The following ETNK1 variants were observed in gnomAD, a reference collection of about 807,000 sequenced individuals.
The protein encoded by ETNK1 is putative protein product of Nbla10396.
A neutral mutation model predicts 45.1 loss-of-function variants in ETNK1; 8 were observed. The ratio of observed to expected loss-of-function variants is 0.18; its 90% CI spans 0.10 to 0.32. ETNK1 has a LOEUF of 0.32. Ranked by LOEUF, ETNK1 falls within the 10% of genes least tolerant of loss-of-function variation. The pLI is 1.00. For missense variants in ETNK1, 302 were observed against 430.6 expected, an observed-to-expected ratio of 0.70 and a Z score of 2.64; for synonymous variants, 152 against 151.9, an observed-to-expected ratio of 1.00 and a Z score of -0.01.
At chr12:22,659,359 TA>T (rs1410334959) in intron 3 of ETNK1, among the ~76,000 whole-genome samples, 1 of 152,018 alleles carries the variant, frequency 6.6e-6, no homozygotes, top group Non-Finnish European at 1.5e-5. Flanking sequence ...TCCCAAAAAA[TA>T]TGCCCTACAA....
intron 1 of ETNK1, among the ~76,000 whole-genome samples, chr12:22,640,871 C>T (rs1307813123): frequency 1.3e-5 from 2 of 152,104 alleles, no homozygotes; most frequent in Non-Finnish European, 2.9e-5. Flanking sequence ...GGATAAACCC[C>T]ATTAAAAGGA....
rs905501306 is a variant in ETNK1, at chr12:22,687,252, G to C, written c.*2298G>C. On this transcript the variant is annotated 3_prime_UTR_variant, in exon 8 of 8. Coordinates refer to ENST00000266517, the MANE Select transcript of ETNK1 (RefSeq NM_018638.5). ...TGGTGCAGGCTAGTAATAGGATTCA[G>C]AATTGCTTCCCTTTTATATCGACCA... 3 of 152,204 alleles carry C rather than the reference G, an allele frequency of 2.0e-5. No individual in the cohort carries two copies. The highest frequency in any genetic ancestry group is 7.3e-5 in the African/African-American group (3 of 41,378). The allele number at this position is 152,204 out of a possible 1,614,324, so 9.4% of individuals were successfully genotyped here. A position where few individuals can be genotyped will look rare whatever the true frequency, so the allele number is the denominator to read the frequency against.
At chr12:22,631,471 G>A (rs1346732914) in intron 1 of ETNK1, among the ~76,000 whole-genome samples, 2 of 152,092 alleles carry the variant, frequency 1.3e-5, no homozygotes, top group South Asian at 2.1e-4. Context: ...CACTGCGCCC[G>A]GTGGTAAGTA....
chr12:22,660,257 A>G (rs1953985920), intron 3 of ETNK1, among the ~76,000 whole-genome samples: 1 of 152,168 alleles, frequency 6.6e-6, no homozygotes, highest in Non-Finnish European at 1.5e-5. Flanking sequence ...TTGGAGAAAG[A>G]ATCAAGAGGT....
At chr12:22,672,940 G>T (rs1448356097) in intron 5 of ETNK1, among the ~76,000 whole-genome samples, 1 of 152,140 alleles carries the variant, frequency 6.6e-6, no homozygotes, top group Non-Finnish European at 1.5e-5. Flanking sequence ...CAAAATCTCA[G>T]AGTTGGAAAA....
chr12:22,671,169 A>G, intron 4 of ETNK1, 103 bp from the exon 5 acceptor site: 1 of 845,740 alleles, frequency 1.2e-6, no homozygotes, highest in Non-Finnish European at 2.0e-6. Flanking sequence ...TCAAGCACGT[A>G]CAATGAGACA....
At chr12:22,680,800 T>C (rs1363699148) in intron 6 of ETNK1, among the ~76,000 whole-genome samples, 1 of 151,994 alleles carries the variant, frequency 6.6e-6, no homozygotes, top group Admixed American at 6.6e-5. Flanking sequence ...TGTCATTGAT[T>C]GTTTAATGTT....
chr12:22,679,990 C>A lies in ETNK1; in HGVS notation c.946-4493C>A, dbSNP rs1336675419. Among the ~76,000 whole-genome samples, 5 of 149,720 alleles carry A rather than the reference C, an allele frequency of 3.3e-5. No individual in the cohort carries two copies. The East Asian group carries it at 9.7e-4, about 29-fold the overall frequency. On this transcript the variant is annotated intron_variant, in intron 6 of 7. Coordinates refer to ENST00000266517, the MANE Select transcript of ETNK1 (RefSeq NM_018638.5). The stretch of plus-strand genomic sequence containing the variant: ...TACAGGTGTGAGCCACCTCACCTGG[C>A]CATATTCTTGAAGGGTGGAGGAATA...
chr12:22,636,357 G>A (rs1432427225), intron 1 of ETNK1, among the ~76,000 whole-genome samples: 1 of 151,924 alleles, frequency 6.6e-6, no homozygotes, highest in East Asian at 1.9e-4. Flanking sequence ...GGTCCTGAAT[G>A]GTGTGCTCAA....
chr12:22,631,589 A>G (rs1953581545), intron 1 of ETNK1, among the ~76,000 whole-genome samples: 2 of 152,212 alleles, frequency 1.3e-5, no homozygotes, highest in Non-Finnish European at 1.5e-5. Flanking sequence ...AGTTTGAGAA[A>G]ATAATTTGAG....
At chr12:22,656,407 A>G (rs1953941229) in intron 2 of ETNK1, 2 of 985,422 alleles carry the variant, frequency 2.0e-6, no homozygotes. Flanking sequence ...TTCTGATCTC[A>G]GTAAACTTAC....
intron 1 of ETNK1, among the ~76,000 whole-genome samples, chr12:22,637,401 C>G (rs1311857580): frequency 6.6e-6 from 1 of 152,052 alleles, no homozygotes; most frequent in Non-Finnish European, 1.5e-5. Context: ...TGAAAGTGGC[C>G]CATTAGATGA....
At chr12:22,628,906 T>C (rs1565860457) in intron 1 of ETNK1, among the ~76,000 whole-genome samples, 1 of 152,122 alleles carries the variant, frequency 6.6e-6, no homozygotes, top group Admixed American at 6.5e-5. Context: ...TATAGCAACT[T>C]AGCTTTTCAA....
intron 5 of ETNK1, 62 bp downstream of exon 5, chr12:22,671,417 T>C: frequency 9.1e-7 from 1 of 1,102,936 alleles, no homozygotes; most frequent in East Asian, 2.4e-5. Context: ...TTTCATTCTT[T>C]TTTTAAAGTA....
At chr12:22,665,842 G>A (rs1454113176) in intron 4 of ETNK1, among the ~76,000 whole-genome samples, 2 of 151,918 alleles carry the variant, frequency 1.3e-5, no homozygotes, top group Admixed American at 6.6e-5. Flanking sequence ...CTACTAGTAG[G>A]TAGTTATAGG....
chr12:22,677,193 G>A (rs991307811), intron 6 of ETNK1, among the ~76,000 whole-genome samples: 1 of 152,130 alleles, frequency 6.6e-6, no homozygotes, highest in East Asian at 1.9e-4. Context: ...TGTATGAGGT[G>A]TAAGGAAGGG....
intron 4 of ETNK1, among the ~76,000 whole-genome samples, chr12:22,662,515 C>G (rs1039009403): frequency 2.6e-5 from 4 of 151,930 alleles, no homozygotes; most frequent in Non-Finnish European, 4.4e-5. Flanking sequence ...CTGCCCCAGT[C>G]CCCTGAGTAG....
At chr12:22,680,426 A>C (rs1345613750) in intron 6 of ETNK1, among the ~76,000 whole-genome samples, 1 of 152,174 alleles carries the variant, frequency 6.6e-6, no homozygotes, top group African/African-American at 2.4e-5. Context: ...TACAGAATGA[A>C]ATCCAAATGA....
At chr12:22,651,754 G>A (rs1001399290) in intron 2 of ETNK1, among the ~76,000 whole-genome samples, 13 of 145,754 alleles carry the variant, frequency 8.9e-5, no homozygotes, top group African/African-American at 3.3e-4. Flanking sequence ...GTGCCTCCCA[G>A]GTTCAAGTGC....
Sources: allele counts gnomAD v4.1 joint callset (sites outside exome capture counted in the v4.1 genomes callset), GRCh38; gene constraint gnomAD v4.1.1; transcripts MANE v1.5; gene names NCBI Gene and HGNC (gene_info 2026-07-23, HGNC 2026-07-21).